PTPRN2: variants seen among roughly 807,000 people sequenced by gnomAD.
PTPRN2 encodes the protein protein tyrosine phosphatase receptor type N2.
In PTPRN2, 74 loss-of-function variants were observed where a neutral mutation model predicts 118.8. The observed-to-expected ratio is 0.62, with a 90% CI of 0.52 to 0.76. The LOEUF (loss-of-function observed/expected upper bound fraction) is 0.76, where lower values mean the gene tolerates loss of function less well. PTPRN2 is among the 30% of genes least tolerant of loss of function. PTPRN2 has a pLI of 0.00. For synonymous variants in PTPRN2, 641 were observed against 608.0 expected (o/e 1.05, Z -0.80); for missense variants, 1,481 against 1,394.4 (o/e 1.06, Z -0.99).
At chr7:158,491,132 C>T (rs772434612) in intron 1 of PTPRN2, among the ~76,000 whole-genome samples, 10 of 152,344 alleles carry the variant, frequency 6.6e-5, no homozygotes, top group African/African-American at 1.2e-4. Flanking sequence ...CCAGCACGTG[C>T]GGAGGCTTTA....
intron 2 of PTPRN2, among the ~76,000 whole-genome samples, chr7:158,320,025 A>ACT (rs1229752464): frequency 1.8e-4 from 13 of 70,494 alleles, no homozygotes; most frequent in Admixed American, 4.0e-4. Context: ...CCTCATACAC[A>ACT]CACACAGCCT....
chr7:158,489,156 A>G (rs2129445368), intron 2 of PTPRN2, among the ~76,000 whole-genome samples: 1 of 152,368 alleles, frequency 6.6e-6, no homozygotes, highest in South Asian at 2.1e-4. Context: ...TTAAAGGACG[A>G]AAAACCTGGC....
chr7:157,762,918 T>A (rs996166117), intron 12 of PTPRN2, among the ~76,000 whole-genome samples: 2 of 152,154 alleles, frequency 1.3e-5, no homozygotes, highest in African/African-American at 4.8e-5. Flanking sequence ...CTGAAAAGCA[T>A]GTTAGGCCCA....
intron 2 of PTPRN2, among the ~76,000 whole-genome samples, chr7:158,450,613 T>C (rs1054568521): frequency 6.6e-6 from 1 of 152,196 alleles, no homozygotes; most frequent in Non-Finnish European, 1.5e-5. Flanking sequence ...TGCACCAGAT[T>C]CACAGGGCCT....
chr7:158,333,888 A>T (rs1805026692), intron 2 of PTPRN2, among the ~76,000 whole-genome samples: 1 of 146,452 alleles, frequency 6.8e-6, no homozygotes, highest in Non-Finnish European at 1.5e-5. Context: ...CTCTCACCAT[A>T]AGAGCTGACA....
intron 12 of PTPRN2, among the ~76,000 whole-genome samples, chr7:157,812,277 C>T (rs1806099949): frequency 6.6e-6 from 1 of 152,168 alleles, no homozygotes; most frequent in Admixed American, 6.5e-5. Context: ...GGGAGAGACG[C>T]CCAGAGGGAA....
chr7:158,428,142 G>T (rs1194063877), intron 2 of PTPRN2, among the ~76,000 whole-genome samples: 1 of 152,224 alleles, frequency 6.6e-6, no homozygotes, highest in Non-Finnish European at 1.5e-5. Flanking sequence ...AAGCCAATCC[G>T]AGTGTCTTTA....
rs1805774369 is a variant in PTPRN2, at chr7:157,808,467, T to C, written c.1788+90206A>G. Among the ~76,000 whole-genome samples the C allele has an allele frequency of 6.6e-6, 1 of 152,164 alleles. No individual in the cohort carries two copies. The highest frequency in any genetic ancestry group is 1.9e-4 in the East Asian group (1 of 5,194). On this transcript the variant is annotated intron_variant, in intron 12 of 22. Coordinates refer to ENST00000389418, the MANE Select transcript of PTPRN2 (RefSeq NM_002847.5). This position sits in a 1 kb window ranked among gnomAD's most constrained non-coding sequence, Gnocchi z 5.0. ...CAGATTCTCATAGGAGCTTGAGCCC[T>C]GTTGTGAACTGTGCATGTGAGGGAT... is the stretch of plus-strand genomic sequence containing the variant.
chr7:158,243,199 G>T (rs1490762819), intron 3 of PTPRN2, among the ~76,000 whole-genome samples: 1 of 152,214 alleles, frequency 6.6e-6, no homozygotes, highest in Non-Finnish European at 1.5e-5. Flanking sequence ...GCCTCAACCT[G>T]TGATCAGAGC....
intron 6 of PTPRN2, among the ~76,000 whole-genome samples, chr7:158,162,489 C>T (rs1363597613): frequency 6.6e-6 from 1 of 152,116 alleles, no homozygotes; most frequent in African/African-American, 2.4e-5. Flanking sequence ...GCATGTGACC[C>T]ATCTGAAAAG....
intron 3 of PTPRN2, among the ~76,000 whole-genome samples, chr7:158,230,382 T>G (rs190595701): frequency 2.0e-5 from 3 of 152,164 alleles, no homozygotes; most frequent in Non-Finnish European, 4.4e-5. Flanking sequence ...AATTGTGGGG[T>G]GCAATCCACT....
intron 1 of PTPRN2, among the ~76,000 whole-genome samples, chr7:158,523,482 T>C (rs892123481): frequency 1.8e-5 from 2 of 109,930 alleles, no homozygotes; most frequent in Non-Finnish European, 3.7e-5. Context: ...TCCTCTGCCC[T>C]GGAGTGGAGT....
chr7:158,094,223 C>G (rs1466691034), intron 10 of PTPRN2, among the ~76,000 whole-genome samples: 2 of 152,256 alleles, frequency 1.3e-5, no homozygotes, highest in African/African-American at 4.8e-5. Flanking sequence ...TCCCCCAGCA[C>G]AGGGGTGGGC....
chr7:157,791,828 G>A (rs959481154), intron 12 of PTPRN2, among the ~76,000 whole-genome samples: 1 of 152,218 alleles, frequency 6.6e-6, no homozygotes, highest in African/African-American at 2.4e-5. Flanking sequence ...GGAGGGTATC[G>A]CACCTACAGC....
intron 12 of PTPRN2, among the ~76,000 whole-genome samples, chr7:157,880,965 C>A (rs1255401977): frequency 6.6e-6 from 1 of 152,218 alleles, no homozygotes; most frequent in Non-Finnish European, 1.5e-5. Flanking sequence ...GAGTTTAGAG[C>A]TGAATTGAGT....
intron 11 of PTPRN2, among the ~76,000 whole-genome samples, chr7:157,948,216 G>T (rs1185725752): frequency 6.6e-6 from 1 of 152,208 alleles, no homozygotes; most frequent in African/African-American, 2.4e-5. Flanking sequence ...TCTTCTATAT[G>T]ATTTAAAAGA....
At chr7:157,844,854 G>A (rs1206631794) in intron 12 of PTPRN2, among the ~76,000 whole-genome samples, 1 of 152,238 alleles carries the variant, frequency 6.6e-6, no homozygotes, top group Non-Finnish European at 1.5e-5. Flanking sequence ...CTACCGCAGA[G>A]TCCTGTGAGC....
intron 3 of PTPRN2, among the ~76,000 whole-genome samples, chr7:158,209,113 TAA>T (rs34181322): frequency 6.8e-6 from 1 of 147,790 alleles, no homozygotes. Context: ...CACTTTCACT[TAA>T]AAAAAAAAGT....
chr7:157,574,288 G>GT (rs774070885), intron 19 of PTPRN2: 12 of 477,732 alleles, frequency 2.5e-5, no homozygotes, highest in Admixed American at 9.8e-5. Context: ...GTCAGAGGTC[G>GT]TTAGAGGCTC....
Sources: gnomAD v4.1 joint callset for allele counts (sites outside exome capture counted in the v4.1 genomes callset) on GRCh38, gnomAD v4.1.1 for gene constraint, Gnocchi (gnomAD v3.1) non-coding constraint, MANE v1.5 for transcripts, NCBI Gene and HGNC (gene_info 2026-07-23, HGNC 2026-07-21) for gene names.